Variants in RNF169 observed in about 807,000 individuals in gnomAD.
RNF169 encodes ring finger protein 169.
RNF169 carries 24 observed loss-of-function variants against 53.9 expected under a neutral mutation model. The observed-to-expected ratio is 0.45, with a 90% CI of 0.32 to 0.63. The LOEUF is 0.63. RNF169 is among the 20% of genes least tolerant of loss of function. The probability of loss-of-function intolerance (pLI) is 0.04; values close to 1 mark genes in which losing one functional copy is unlikely to be tolerated. For synonymous variants in RNF169, 396 were observed against 363.5 expected, an observed-to-expected ratio of 1.09 and a Z score of -1.02; for missense variants, 883 against 906.2, an observed-to-expected ratio of 0.97 and a Z score of 0.33.
At chr11:74,810,363 C>T (rs1449259235) in intron 3 of RNF169, 33 bp downstream of exon 3, 9 of 1,607,926 alleles carry the variant, frequency 5.6e-6, no homozygotes. Context: ...GGATACCTGC[C>T]TCAAAAATCA....
intron 2 of RNF169, among the ~76,000 whole-genome samples, chr11:74,793,708 A>G (rs575977948): frequency 1.3e-5 from 2 of 152,296 alleles, no homozygotes; most frequent in Admixed American, 1.3e-4. Context: ...ATGAGTTTCT[A>G]AATTTTATCA....
At position 74,809,332 on chromosome 11, in the gene RNF169, A is replaced by G. The variant is rs577716666; in HGVS notation, c.577-852A>G. Among the ~76,000 whole-genome samples, 138 of 152,356 alleles carry G rather than the reference A, an allele frequency of 9.1e-4. 1 individual carries two copies. Among genetic ancestry groups the G allele is most frequent in the African/African-American group, 3.2e-3 (134 of 41,588 alleles). On this transcript the variant is annotated intron_variant, in intron 2 of 5. Coordinates refer to ENST00000299563, the MANE Select transcript of RNF169 (RefSeq NM_001098638.2). The stretch of plus-strand genomic sequence containing the variant: ...CTTGATGTACTATAGGTACACAGCA[A>G]GACTCTGTTAATAAATACTATTATA...
chr11:74,775,807 A>G (rs2035325009), intron 1 of RNF169, among the ~76,000 whole-genome samples: 1 of 152,154 alleles, frequency 6.6e-6, no homozygotes, highest in African/African-American at 2.4e-5. Context: ...GATTAAAGTT[A>G]TTTATTTATA....
chr11:74,794,018 T>C (rs564851791), intron 2 of RNF169, among the ~76,000 whole-genome samples: 6 of 152,278 alleles, frequency 3.9e-5, no homozygotes, highest in Non-Finnish European at 7.4e-5. Flanking sequence ...TAATGAAATA[T>C]TTATTGTGCC....
intron 1 of RNF169, among the ~76,000 whole-genome samples, chr11:74,752,483 G>T (rs1183969692): frequency 6.6e-6 from 1 of 151,758 alleles, no homozygotes; most frequent in East Asian, 1.9e-4. Flanking sequence ...TGTAGTTCCA[G>T]CTACTGGGGA....
chr11:74,835,449 C>A, intron 5 of RNF169, 97 bp from the exon 6 acceptor site: 1 of 889,040 alleles, frequency 1.1e-6, no homozygotes, highest in Non-Finnish European at 1.8e-6. Context: ...CTTTTCTTGT[C>A]CTCCCCTTCC....
chr11:74,762,409 T>C (rs2135313875), intron 1 of RNF169, among the ~76,000 whole-genome samples: 1 of 152,342 alleles, frequency 6.6e-6, no homozygotes, highest in South Asian at 2.1e-4. Flanking sequence ...GTTTTTCTAT[T>C]GTGTTTTTTC....
intron 1 of RNF169, among the ~76,000 whole-genome samples, chr11:74,756,923 T>C (rs1017421900): frequency 1.3e-5 from 2 of 152,202 alleles, no homozygotes; most frequent in Non-Finnish European, 2.9e-5. Context: ...GCCCAAATTC[T>C]CTTTTTAGCA....
chr11:74,817,742 G>A (rs761111952), intron 4 of RNF169, 28 bp downstream of exon 4: 5 of 1,413,640 alleles, frequency 3.5e-6, no homozygotes, highest in Non-Finnish European at 5.0e-6. Context: ...AATTCAGTCA[G>A]GGGTCTTTGG....
chr11:74,762,545 C>G (rs1200474162), intron 1 of RNF169, among the ~76,000 whole-genome samples: 2 of 152,180 alleles, frequency 1.3e-5, no homozygotes, highest in Non-Finnish European at 2.9e-5. Flanking sequence ...AGCTGCAGGT[C>G]TCAGATGGAA....
chr11:74,785,229 TATTATATATATGTTATATATGTTAG>T (rs2035479235), intron 1 of RNF169, among the ~76,000 whole-genome samples: 1 of 102,216 alleles, frequency 9.8e-6, no homozygotes, highest in African/African-American at 5.4e-5. Context: ...ATGTTATATA[TATTATATATATGTTATATATGTTAG>T]ATATATATGT....
chr11:74,749,047 A>AGCCGCCGCTGCC lies in RNF169; in HGVS notation c.173_184dup (p.Pro58_Pro61dup). On this transcript the variant is annotated inframe_insertion, in exon 1 of 6. Transcript: ENST00000299563. Reference sequence around the variant, plus strand: ...TTGGTGTTGTCGCCGCCGTTGCTGCAGCCGCCGCTGCCGCCGCGGCCGGAG... The same window carrying AGCCGCCGCTGCC: ...TTGGTGTTGTCGCCGCCGTTGCTGCAGCCGCCGCTGCCGCCGCCGCTGCCGCCGCGGCCGGAG... 6.8e-7 allele frequency: 1 copy of AGCCGCCGCTGCC among 1,468,028 alleles called. No homozygotes were observed. Among genetic ancestry groups the AGCCGCCGCTGCC allele is most frequent in the Non-Finnish European group, 9.0e-7 (1 of 1,108,456 alleles). The allele number at this position is 1,468,028 out of a possible 1,614,324, so 90.9% of individuals were successfully genotyped here. A position where few individuals can be genotyped will look rare whatever the true frequency, so the allele number is the denominator to read the frequency against.
chr11:74,824,916 A>G (rs2036070664), intron 4 of RNF169, among the ~76,000 whole-genome samples: 1 of 152,216 alleles, frequency 6.6e-6, no homozygotes, highest in Non-Finnish European at 1.5e-5. Context: ...TAAGAGGAGG[A>G]GATTGGGAGA....
intron 1 of RNF169, among the ~76,000 whole-genome samples, chr11:74,777,809 G>A (rs1261566528): frequency 3.9e-5 from 6 of 151,924 alleles, no homozygotes; most frequent in Admixed American, 2.6e-4. Context: ...TTAATTTTTT[G>A]TGCAGATGGA....
At chr11:74,756,607 C>T (rs2034987201) in intron 1 of RNF169, among the ~76,000 whole-genome samples, 1 of 151,940 alleles carries the variant, frequency 6.6e-6, no homozygotes, top group African/African-American at 2.4e-5. Context: ...AGACATTTGA[C>T]CATCAGTATT....
At position 74,792,623 on chromosome 11, in the gene RNF169, G is replaced by C. The variant is rs987382765; in HGVS notation, c.576+2924G>C. On this transcript the variant is annotated intron_variant, in intron 2 of 5. Transcript: ENST00000299563. ...TCATTATGTTGGCCAGGCTGGTCTC[G>C]AACTCCTGACTTCGTGATTCACCTG... Among the ~76,000 whole-genome samples the C allele has an allele frequency of 5.3e-5, 8 of 152,116 alleles. No individual in the cohort carries two copies. The East Asian group carries it at 1.5e-3, about 29-fold the overall frequency.
intron 1 of RNF169, among the ~76,000 whole-genome samples, chr11:74,759,794 G>A (rs1265819673): frequency 2.6e-5 from 4 of 150,988 alleles, no homozygotes; most frequent in East Asian, 1.9e-4. Context: ...GTCTCTGCCC[G>A]GCTTTGGTAT....
chr11:74,808,213 A>C (rs1291580370), intron 2 of RNF169: 1 of 152,178 alleles, frequency 6.6e-6, no homozygotes, highest in Non-Finnish European at 1.5e-5. Flanking sequence ...TTAAGAAAAA[A>C]ATAAACTATT....
chr11:74,822,645 T>C (rs1262028797), intron 4 of RNF169, among the ~76,000 whole-genome samples: 1 of 152,186 alleles, frequency 6.6e-6, no homozygotes, highest in African/African-American at 2.4e-5. Context: ...CTGTGTGAAC[T>C]TGGAAAGATC....
Sources: allele counts gnomAD v4.1 joint callset (sites outside exome capture counted in the v4.1 genomes callset), GRCh38; gene constraint gnomAD v4.1.1; transcripts MANE v1.5; gene names NCBI Gene and HGNC (gene_info 2026-07-23, HGNC 2026-07-21).